The following APLF variants were observed in gnomAD, a reference collection of about 807,000 sequenced individuals.
The protein encoded by APLF is aprataxin and PNK-like factor.
A neutral mutation model predicts 55.6 loss-of-function variants in APLF; 61 were observed. That is an observed-to-expected ratio of 1.10 (90% CI 0.89 to 1.36). APLF has a LOEUF of 1.36. Ranked by LOEUF, APLF falls within the 40% of genes most tolerant of loss-of-function variation. The pLI is 0.00. For missense variants in APLF, 611 were observed against 602.5 expected (o/e 1.01, Z -0.15); for synonymous variants, 207 against 214.8 (o/e 0.96, Z 0.32).
At chr2:68,510,280 G>A (rs972085475) in intron 3 of APLF, among the ~76,000 whole-genome samples, 5 of 151,696 alleles carry the variant, frequency 3.3e-5, no homozygotes, top group African/African-American at 1.2e-4. Context: ...GAAAATATTT[G>A]TAAATCACAT....
intron 8 of APLF, among the ~76,000 whole-genome samples, chr2:68,551,317 A>G (rs1204252932): frequency 6.6e-6 from 1 of 151,988 alleles, no homozygotes; most frequent in Non-Finnish European, 1.5e-5. Flanking sequence ...TAACGTGCCT[A>G]GGTATATTTT....
chr2:68,550,731 A>G (rs1474472679), intron 8 of APLF, among the ~76,000 whole-genome samples: 1 of 152,128 alleles, frequency 6.6e-6, no homozygotes, highest in African/African-American at 2.4e-5. Flanking sequence ...GTGACTTATT[A>G]CAATCTACCT....
At chr2:68,536,151 G>C (rs576761552) in intron 6 of APLF, among the ~76,000 whole-genome samples, 6 of 152,118 alleles carry the variant, frequency 3.9e-5, no homozygotes, top group Non-Finnish European at 7.4e-5. Context: ...GGAGTTGGGG[G>C]GTTGAGATTG....
chr2:68,558,609 T>C (rs1185063681), intron 8 of APLF, among the ~76,000 whole-genome samples: 1 of 152,230 alleles, frequency 6.6e-6, no homozygotes, highest in African/African-American at 2.4e-5. Flanking sequence ...TAGGAGCTTA[T>C]GTAAAACAGT....
chr2:68,502,585 T>G (rs1676755582), intron 2 of APLF, 146 bp from the exon 3 acceptor site: 1 of 441,402 alleles, frequency 2.3e-6, no homozygotes, highest in Admixed American at 4.4e-5. Flanking sequence ...TTTATTAAAC[T>G]TTTAAGTCTA....
intron 2 of APLF, among the ~76,000 whole-genome samples, chr2:68,496,297 G>T (rs914171231): frequency 6.6e-6 from 1 of 151,996 alleles, no homozygotes; most frequent in Non-Finnish European, 1.5e-5. Context: ...TGGAGATGGG[G>T]TTTTGCCATG....
intron 1 of APLF, among the ~76,000 whole-genome samples, chr2:68,486,089 GTCAA>G (rs1437258573): frequency 1.3e-5 from 2 of 151,924 alleles, no homozygotes; most frequent in Admixed American, 6.6e-5. Flanking sequence ...TCTAAATTTG[GTCAA>G]TCAGAGTTTT....
intron 6 of APLF, among the ~76,000 whole-genome samples, chr2:68,532,526 G>A (rs977432277): frequency 6.6e-6 from 1 of 152,150 alleles, no homozygotes; most frequent in Non-Finnish European, 1.5e-5. Context: ...GAGGCCCAAG[G>A]TCACATTGTT....
At chr2:68,521,162 C>A (rs1392503962) in intron 5 of APLF, among the ~76,000 whole-genome samples, 2 of 151,884 alleles carry the variant, frequency 1.3e-5, no homozygotes, top group Non-Finnish European at 2.9e-5. Context: ...TATAGCAGTA[C>A]TACAGATTTG....
At chr2:68,474,405 G>A (rs1433318292) in intron 1 of APLF, among the ~76,000 whole-genome samples, 1 of 152,166 alleles carries the variant, frequency 6.6e-6, no homozygotes, top group Non-Finnish European at 1.5e-5. Context: ...CCACCCTGAA[G>A]CTATCTAGGG....
At chr2:68,469,564 G>C (rs939479647) in intron 1 of APLF, among the ~76,000 whole-genome samples, 3 of 152,180 alleles carry the variant, frequency 2.0e-5, no homozygotes, top group African/African-American at 7.2e-5. Flanking sequence ...CAAGGTTGGC[G>C]TGTATCAGAA....
chr2:68,559,041 C>T (rs988346417), intron 8 of APLF, among the ~76,000 whole-genome samples: 18 of 152,110 alleles, frequency 1.2e-4, no homozygotes, highest in African/African-American at 4.3e-4. Flanking sequence ...TTCTTTATGA[C>T]AAAGTGATAA....
intron 9 of APLF, 47 bp from the exon 10 acceptor site, chr2:68,577,773 G>C: frequency 1.9e-6 from 3 of 1,596,268 alleles, no homozygotes; most frequent in Non-Finnish European, 2.6e-6. Context: ...TGTCATCCCA[G>C]GTTGAGTGGT....
Position 68,517,437 on chromosome 2 carries a change from A to G in APLF, c.622+3757A>G, listed in dbSNP as rs937119034. 2.4e-4 allele frequency among the ~76,000 whole-genome samples: 28 copies of G among 118,318 alleles called. 1 individual carries two copies. The highest frequency in any genetic ancestry group is 1.3e-3 in the African/African-American group (28 of 21,700). The allele number at this position is 118,318 out of a possible 152,430, so 77.6% of individuals were successfully genotyped here. ...TATATTACTATATATTAATATATCT[A>G]TATATGTTATTACTATATATTAATA... On this transcript the variant is annotated intron_variant, in intron 5 of 9. Transcript: ENST00000303795.
intron 8 of APLF, among the ~76,000 whole-genome samples, chr2:68,545,539 C>T (rs1670681534): frequency 6.6e-6 from 1 of 152,034 alleles, no homozygotes; most frequent in African/African-American, 2.4e-5. Context: ...TCCTTATTTC[C>T]AACTTTCTGT....
At chr2:68,488,738 TTAA>T (rs1295558819) in intron 1 of APLF, among the ~76,000 whole-genome samples, 1 of 152,092 alleles carries the variant, frequency 6.6e-6, no homozygotes, top group Non-Finnish European at 1.5e-5. Flanking sequence ...ATGTAAAGTG[TTAA>T]TAATAGCTAT....
At chr2:68,541,776 T>G (rs910649243) in intron 7 of APLF, among the ~76,000 whole-genome samples, 2 of 152,148 alleles carry the variant, frequency 1.3e-5, no homozygotes, top group Admixed American at 1.3e-4. Flanking sequence ...TCCTAATGGT[T>G]TTTTTTGGCA....
intron 5 of APLF, among the ~76,000 whole-genome samples, chr2:68,525,495 A>G (rs899657357): frequency 6.6e-6 from 1 of 152,146 alleles, no homozygotes; most frequent in Non-Finnish European, 1.5e-5. Flanking sequence ...ACTTTTCCTA[A>G]TAATTCCATG....
chr2:68,507,342 G>A (rs1676897555), intron 3 of APLF, among the ~76,000 whole-genome samples: 1 of 151,876 alleles, frequency 6.6e-6, no homozygotes, highest in South Asian at 2.1e-4. Context: ...AACCATAGAA[G>A]AGCTTGTCAT....
Sources: allele counts gnomAD v4.1 joint callset (sites outside exome capture counted in the v4.1 genomes callset), GRCh38; gene constraint gnomAD v4.1.1; transcripts MANE v1.5; gene names NCBI Gene and HGNC (gene_info 2026-07-23, HGNC 2026-07-21).